PAM: variants seen among roughly 807,000 people sequenced by gnomAD.
PAM encodes peptidyl-glycine alpha-amidating monooxygenase.
A neutral mutation model predicts 122.1 loss-of-function variants in PAM; 72 were observed. The observed-to-expected ratio is 0.59, with a 90% confidence interval of 0.49 to 0.72. The LOEUF (loss-of-function observed/expected upper bound fraction) is 0.72. Ranked by LOEUF, PAM falls within the 30% of genes least tolerant of loss-of-function variation. PAM has a pLI of 0.00. For missense variants in PAM, 1,106 were observed against 1,183.7 expected (o/e 0.93, Z 0.96); for synonymous variants, 389 against 404.4 (o/e 0.96, Z 0.46).
At chr5:102,946,101 A>T (rs1756950340) in intron 7 of PAM, among the ~76,000 whole-genome samples, 1 of 152,150 alleles carries the variant, frequency 6.6e-6, no homozygotes. Context: ...TGTGGCAAGG[A>T]TCGTGTTGGA....
chr5:103,017,048 A>T (rs112033688), intron 21 of PAM, among the ~76,000 whole-genome samples: 2,582 of 152,316 alleles, frequency 0.017, 64 homozygotes, highest in African/African-American at 0.06. Flanking sequence ...ATTGTAAAAA[A>T]TAATATACCT....
At chr5:102,874,171 A>G (rs1192818336) in intron 3 of PAM, among the ~76,000 whole-genome samples, 2 of 152,192 alleles carry the variant, frequency 1.3e-5, no homozygotes, top group African/African-American at 4.8e-5. Context: ...TAGCTGTGAC[A>G]CATTCATTCT....
intron 24 of PAM, among the ~76,000 whole-genome samples, chr5:103,025,903 T>C (rs900697756): frequency 6.6e-6 from 1 of 152,168 alleles, no homozygotes; most frequent in African/African-American, 2.4e-5. Flanking sequence ...TAGGAAGTAC[T>C]CAATACCACC....
Position 102,963,228 on chromosome 5 carries a change from C to T in PAM, c.1162+1999C>T, listed in dbSNP as rs759521704. 5.9e-5 allele frequency among the ~76,000 whole-genome samples: 9 copies of T among 151,820 alleles called. 1 individual carries two copies. The highest frequency in any genetic ancestry group is 8.8e-5 in the Non-Finnish European group (6 of 67,822). ...ATTAAAAGAGAAATACAGAAATGTA[C>T]CAAATGCACATTTGTACACATAGTT... On this transcript the variant is annotated intron_variant, in intron 14 of 25. Transcript: ENST00000438793.
intron 1 of PAM, among the ~76,000 whole-genome samples, chr5:102,802,415 T>G (rs1229372849): frequency 6.6e-6 from 1 of 152,152 alleles, no homozygotes; most frequent in Non-Finnish European, 1.5e-5. Context: ...ATTAAAATCC[T>G]TTAAGGATAA....
At chr5:102,862,937 A>G (rs1337642905) in intron 1 of PAM, among the ~76,000 whole-genome samples, 2 of 152,132 alleles carry the variant, frequency 1.3e-5, no homozygotes, top group African/African-American at 4.8e-5. Context: ...TGAATGGTCA[A>G]ATTGGTTAAT....
At chr5:102,782,949 T>C (rs1485014944) in intron 1 of PAM, among the ~76,000 whole-genome samples, 7 of 152,096 alleles carry the variant, frequency 4.6e-5, no homozygotes, top group Non-Finnish European at 7.4e-5. Flanking sequence ...AAGTTTTTAT[T>C]TCCCAGTTGG....
At chr5:102,866,432 C>A (rs407129) in intron 2 of PAM, 148 bp downstream of exon 2, 1 of 633,780 alleles carries the variant, frequency 1.6e-6, no homozygotes. Flanking sequence ...TTGTGAAGTC[C>A]CCCGTGCAGA....
At chr5:102,868,551 A>G (rs1170532949) in intron 3 of PAM, among the ~76,000 whole-genome samples, 1 of 152,192 alleles carries the variant, frequency 6.6e-6, no homozygotes, top group African/African-American at 2.4e-5. Context: ...TTTATTTAGT[A>G]TTTAACCGCA....
chr5:102,911,949 G>T (rs1315911032), intron 4 of PAM, among the ~76,000 whole-genome samples: 2 of 151,748 alleles, frequency 1.3e-5, no homozygotes, highest in Non-Finnish European at 2.9e-5. Flanking sequence ...ATCCATCCTC[G>T]CAGCTTCAGG....
chr5:102,780,759 C>CTT (rs750010906), intron 1 of PAM, among the ~76,000 whole-genome samples: 1 of 27,150 alleles, frequency 3.7e-5, no homozygotes, highest in Non-Finnish European at 8.2e-5. Flanking sequence ...CTTTCTCTTT[C>CTT]TTTCTTTCTT....
chr5:102,876,973 T>G (rs2151076764), intron 3 of PAM, among the ~76,000 whole-genome samples: 1 of 152,330 alleles, frequency 6.6e-6, no homozygotes, highest in Admixed American at 6.5e-5. Flanking sequence ...TAAGCCAAGG[T>G]GAAGGCCTAG....
intron 1 of PAM, among the ~76,000 whole-genome samples, chr5:102,765,973 T>A (rs977022987): frequency 6.6e-6 from 1 of 152,186 alleles, no homozygotes; most frequent in African/African-American, 2.4e-5. Context: ...CTTTTTTTTT[T>A]ATGGGGACAC....
chr5:103,027,902 T>C (rs1037157059), intron 24 of PAM, among the ~76,000 whole-genome samples: 47 of 152,206 alleles, frequency 3.1e-4, no homozygotes, highest in African/African-American at 1.1e-3. Flanking sequence ...ACAGGGATTC[T>C]CCTTGACCTT....
At chr5:103,019,595 T>C (rs1259898753) in intron 22 of PAM, among the ~76,000 whole-genome samples, 195 bp from the exon 23 acceptor site, 1 of 152,238 alleles carries the variant, frequency 6.6e-6, no homozygotes, top group Non-Finnish European at 1.5e-5. Context: ...ATATTTTAGC[T>C]TTCCCTAGGA....
At position 103,029,202 on chromosome 5, in the gene PAM, C is replaced by G. The variant is rs1583070310; in HGVS notation, c.*137C>G. ...GGGACTGTACACACTTTATTTACTT[C>G]GTTTTGGTTAAGTTGGCTTCTGTTT... On this transcript the variant is annotated 3_prime_UTR_variant, in exon 26 of 26. Transcript: ENST00000438793. 1.7e-6 allele frequency: 1 copy of G among 593,162 alleles called. No individual in the cohort carries two copies. Among genetic ancestry groups the G allele is most frequent in the East Asian group, 3.4e-5 (1 of 29,618 alleles). 36.7% of individuals were successfully genotyped at this position (593,162 alleles called of 1,614,324 possible).
At chr5:103,002,035 C>A (rs777970893) in intron 16 of PAM, among the ~76,000 whole-genome samples, 36 of 152,050 alleles carry the variant, frequency 2.4e-4, no homozygotes, top group Non-Finnish European at 4.7e-4. Flanking sequence ...CACACACACA[C>A]ATACACACAC....
At chr5:102,912,471 T>A (rs189733962) in intron 4 of PAM, among the ~76,000 whole-genome samples, 1 of 152,102 alleles carries the variant, frequency 6.6e-6, no homozygotes, top group East Asian at 1.9e-4. Flanking sequence ...TTCCATTTTC[T>A]TTCTGCCCCA....
chr5:102,898,321 C>T (rs1052208576), intron 3 of PAM, among the ~76,000 whole-genome samples: 4 of 151,348 alleles, frequency 2.6e-5, no homozygotes, highest in Non-Finnish European at 4.4e-5. Flanking sequence ...TCCCCTGGCA[C>T]CAAGCTCAGA....
Sources: gnomAD v4.1 joint callset for allele counts (sites outside exome capture counted in the v4.1 genomes callset) on GRCh38, gnomAD v4.1.1 for gene constraint, MANE v1.5 for transcripts, NCBI Gene and HGNC (gene_info 2026-07-23, HGNC 2026-07-21) for gene names.